Variants in PRSS57 observed in about 807,000 individuals in gnomAD.
The protein encoded by PRSS57 is serine protease 57, also known as neutrophil serine protease 4.
A neutral mutation model predicts 20.6 loss-of-function variants in PRSS57; 19 were observed. The observed-to-expected ratio is 0.92, with a 90% CI of 0.64 to 1.35. PRSS57 has a LOEUF of 1.35. Ranked by LOEUF, PRSS57 falls within the 40% of genes most tolerant of loss-of-function variation. PRSS57 has a pLI of 0.00. For synonymous variants in PRSS57, 203 were observed against 176.6 expected (o/e 1.15, Z -1.19); for missense variants, 440 against 403.7 (o/e 1.09, Z -0.77).
At position 685,779 on chromosome 19, in the gene PRSS57, C is replaced by G; in HGVS notation, c.786G>C (p.Arg262=). 1 of 1,567,030 alleles carries G rather than the reference C, an allele frequency of 6.4e-7. No individual in the cohort carries two copies. Among genetic ancestry groups the G allele is most frequent in the Non-Finnish European group, 8.7e-7 (1 of 1,154,926 alleles). Residue 262 remains arginine (R), a synonymous_variant, in exon 5 of 5, where the codon CGG becomes CGC. Coordinates refer to ENST00000329267, the MANE Select transcript of PRSS57 (RefSeq NM_001308209.2). The part of the protein sequence containing the change: ...AFVAWIWDVV[R]RSSPQPGPLP... ...GGGGGCCGGGCTGGGGACTGCTCCG[C>G]CGAACCACGTCCCAGATCCAGGCCA...
intron 3 of PRSS57, chr19:690,538 C>T: frequency 3.9e-6 from 1 of 258,054 alleles, no homozygotes. Flanking sequence ...AGATCATGTC[C>T]CTGGAGGAGA....
rs1184934490 is a variant in PRSS57 at position 694,881 on chromosome 19, G to A, written c.166C>T (p.His56Tyr). The change falls in exon 2 of 5, where the codon CAT becomes TAT. Residue 56 changes from histidine to tyrosine, a missense_variant. Transcript: ENST00000329267. ...YMASVRFGGQ[H>Y]HCGGFLLRAR... ...CGCAGCAGGAAGCCTCCGCAGTGAT[G>A]TTGGCCCCCGAAGCGCACGGATGCC... is the stretch of plus-strand genomic sequence containing the variant. 1.6e-5 allele frequency: 26 copies of A among 1,605,474 alleles called. No individual in the cohort carries two copies. Among genetic ancestry groups the A allele is most frequent in the African/African-American group, 2.7e-5 (2 of 74,772 alleles).
chr19:692,560 G>C (rs1467695934), intron 2 of PRSS57, among the ~76,000 whole-genome samples: 1 of 151,378 alleles, frequency 6.6e-6, no homozygotes, highest in Admixed American at 6.6e-5. Context: ...AAGACTACAG[G>C]CGTGCGCCAC....
At chr19:687,459 G>A (rs1368070089) in intron 3 of PRSS57, among the ~76,000 whole-genome samples, 1 of 152,148 alleles carries the variant, frequency 6.6e-6, no homozygotes, top group Non-Finnish European at 1.5e-5. Context: ...AGGCTGGAGT[G>A]CAGTGGCACA....
At position 695,421 on chromosome 19, in the gene PRSS57, C is replaced by A. The variant is rs184309968; in HGVS notation, c.10G>T (p.Gly4Trp). The A allele has an allele frequency of 3.2e-6, 4 of 1,266,980 alleles. No individual in the cohort carries two copies. The highest frequency in any genetic ancestry group is 3.9e-5 in the Admixed American group (1 of 25,716). The allele number at this position is 1,266,980 out of a possible 1,614,324, so 78.5% of individuals were successfully genotyped here. MGLGLRGWGRPLLT... is the reference protein window; with the variant it reads MGLWLRGWGRPLLT... ...AGAGGACGTCCCCAGCCCCTCAACCCGAGCCCCATGGCAGACGCAGGCTGG... is the reference window on the plus strand; with the variant it reads ...AGAGGACGTCCCCAGCCCCTCAACCAGAGCCCCATGGCAGACGCAGGCTGG... The change falls in exon 1 of 5, where the codon GGG (glycine) becomes TGG (tryptophan). Residue 4 changes from glycine to tryptophan, a missense_variant. By Grantham distance (184) the Gly-to-Trp change is radical. Coordinates refer to ENST00000329267, the MANE Select transcript of PRSS57 (RefSeq NM_001308209.2).
chr19:694,770 G>T (rs561680418), intron 2 of PRSS57, 44 bp downstream of exon 2: 1 of 1,563,338 alleles, frequency 6.4e-7, no homozygotes. Flanking sequence ...CCCTCATGTC[G>T]GGATACGGTG....
intron 4 of PRSS57, among the ~76,000 whole-genome samples, chr19:686,539 AGT>A (rs998052752): frequency 1.1e-4 from 16 of 152,076 alleles, no homozygotes; most frequent in African/African-American, 3.4e-4. Context: ...TGCTGGGCTA[AGT>A]GTGTGTCCTG....
Position 686,514 on chromosome 19 carries a change from CT to C in PRSS57, c.642+410del, listed in dbSNP as rs1330343839. On this transcript the variant is annotated intron_variant, in intron 4 of 4. Transcript: ENST00000329267. ...ATCGGGAAAGTGGACAGTCTCATTT[CT>C]CCTGGACTCGGGCTGCTGGGCTAAG... Among the ~76,000 whole-genome samples, 3 of 152,234 alleles carry C rather than the reference CT, an allele frequency of 2.0e-5. No individual in the cohort carries two copies. The East Asian group carries it at 5.8e-4, about 29-fold the overall frequency.
In PRSS57 at chr19:693,900, C is replaced by T. The variant is rs537297486; in HGVS notation, c.233+914G>A. Among the ~76,000 whole-genome samples the T allele has an allele frequency of 1.1e-4, 16 of 152,182 alleles. No homozygotes were observed. In the South Asian group the frequency reaches 1.9e-3, roughly 18 times the overall value. ...GACTACAGGCGCCTGCCACCACATC[C>T]GGCTAATTTTTTTGTATTTTTAGTA... is the stretch of plus-strand genomic sequence containing the variant. On this transcript the variant is annotated intron_variant, in intron 2 of 4. Transcript: ENST00000329267.
chr19:686,071 AC>A, intron 4 of PRSS57, 149 bp from the exon 5 acceptor site: 1 of 729,560 alleles, frequency 1.4e-6, no homozygotes, highest in Non-Finnish European at 2.2e-6. Context: ...GGCCCTGAGG[AC>A]CCAGCCCCCA....
chr19:687,220 G>T lies in PRSS57; in HGVS notation c.379-32C>A, dbSNP rs551397280. On this transcript the variant is annotated intron_variant, in intron 3 of 4. Transcript: ENST00000329267. The stretch of plus-strand genomic sequence containing the variant: ...GGAGAGCATGAGTTCAGGCCACTGG[G>T]CTCCCTCCCCACCCCCGCTCCTGCC... The T allele has an allele frequency of 6.6e-5, 96 of 1,459,658 alleles. No homozygotes were observed. In the South Asian group the frequency reaches 1.3e-3, roughly 20 times the overall value. The allele number at this position is 1,459,658 out of a possible 1,614,324, so 90.4% of individuals were successfully genotyped here. A position where few individuals can be genotyped will look rare whatever the true frequency, so the allele number is the denominator to read the frequency against.
intron 2 of PRSS57, among the ~76,000 whole-genome samples, chr19:694,461 G>C (rs888080823): frequency 3.3e-5 from 5 of 151,502 alleles, no homozygotes; most frequent in African/African-American, 1.2e-4. Context: ...CCAGCTACTC[G>C]GGAAGCTGAG....
In PRSS57 at chr19:693,770, C is replaced by T. The variant is rs138390884; in HGVS notation, c.233+1044G>A. ...GTATTTTTTTTTTGAGACAGAGTCT[C>T]GCTCTGTCCCCCAGGCTGGAGTGCA... On this transcript the variant is annotated intron_variant, in intron 2 of 4. Transcript: ENST00000329267. Among the ~76,000 whole-genome samples the T allele has an allele frequency of 2.2e-3, 333 of 151,966 alleles. 3 individuals are homozygous for T. The highest frequency in any genetic ancestry group is 7.6e-3 in the African/African-American group (317 of 41,450).
At position 695,213 on chromosome 19, in the gene PRSS57, C is replaced by T. The variant is rs2031757413; in HGVS notation, c.79+139G>A. ...CGGCCGGATTTCCATCCATTTCCAG[C>T]AGAGGCAGCCACGGGGGCTCGGCAG... On this transcript the variant is annotated intron_variant, in intron 1 of 4. Transcript: ENST00000329267. 4 of 483,060 alleles carry T rather than the reference C, an allele frequency of 8.3e-6. No individual in the cohort carries two copies. The Admixed American group carries it at 1.3e-4, about 15-fold the overall frequency. The allele number at this position is 483,060 out of a possible 1,614,324, so 29.9% of individuals were successfully genotyped here.
At chr19:688,908 G>C (rs2031550834) in intron 3 of PRSS57, among the ~76,000 whole-genome samples, 3 of 152,058 alleles carry the variant, frequency 2.0e-5, no homozygotes. Context: ...CCCACACAGG[G>C]ACTTTAAGCG....
At chr19:693,864 T>C (rs1174186081) in intron 2 of PRSS57, among the ~76,000 whole-genome samples, 1 of 152,082 alleles carries the variant, frequency 6.6e-6, no homozygotes, top group Non-Finnish European at 1.5e-5. Context: ...CTCAGCCTCC[T>C]GGGTAGCTGG....
intron 2 of PRSS57, among the ~76,000 whole-genome samples, chr19:692,540 C>T (rs192508762): frequency 6.6e-6 from 1 of 151,270 alleles, no homozygotes; most frequent in African/African-American, 2.4e-5. Flanking sequence ...CCTCAGCCCT[C>T]CAAGCAGCTA....
At chr19:687,811 G>A (rs1017301810) in intron 3 of PRSS57, among the ~76,000 whole-genome samples, 9 of 151,870 alleles carry the variant, frequency 5.9e-5, no homozygotes, top group African/African-American at 2.2e-4. Context: ...GGCCTCTGAG[G>A]GCTCTCCAGC....
intron 3 of PRSS57, among the ~76,000 whole-genome samples, chr19:688,383 C>T (rs2031536004): frequency 6.6e-6 from 1 of 151,162 alleles, no homozygotes; most frequent in South Asian, 2.1e-4. Context: ...CTCTGTTGTC[C>T]AGGCTGGAAT....
Sources: gnomAD v4.1 joint callset for allele counts (sites outside exome capture counted in the v4.1 genomes callset) on GRCh38, gnomAD v4.1.1 for gene constraint, MANE v1.5 for transcripts, NCBI Gene and HGNC (gene_info 2026-07-23, HGNC 2026-07-21) for gene names.